The following RASGEF1A variants were observed in gnomAD, a reference collection of about 807,000 sequenced individuals.
RASGEF1A encodes RasGEF domain family member 1A.
Under a neutral mutation model 56.4 loss-of-function variants are expected in RASGEF1A, and 18 were observed. That is an observed-to-expected ratio of 0.32 (90% CI 0.22 to 0.47). RASGEF1A has a LOEUF of 0.47. Among genes scored for constraint, RASGEF1A ranks in the 20% least tolerant of loss-of-function variants. RASGEF1A has a pLI of 1.00. For missense variants in RASGEF1A, 422 were observed against 627.1 expected, an observed-to-expected ratio of 0.67 and a Z score of 3.49; for synonymous variants, 245 against 242.6, an observed-to-expected ratio of 1.01 and a Z score of -0.09.
intron 3 of RASGEF1A, 128 bp downstream of exon 3, chr10:43,203,170 C>T: frequency 1.1e-6 from 1 of 894,632 alleles, no homozygotes; most frequent in South Asian, 1.6e-5. Context: ...CCAGGCCAAG[C>T]CCCAACTCTA....
intron 1 of RASGEF1A, among the ~76,000 whole-genome samples, chr10:43,220,797 G>A (rs868016426): frequency 8.3e-4 from 110 of 132,878 alleles, no homozygotes; most frequent in Middle Eastern, 8.3e-3. Flanking sequence ...AAAAAAAAAA[G>A]GGGGGGGAGT....
At chr10:43,205,023 C>T (rs1344384243) in intron 2 of RASGEF1A, among the ~76,000 whole-genome samples, 1 of 152,210 alleles carries the variant, frequency 6.6e-6, no homozygotes, top group African/African-American at 2.4e-5. Flanking sequence ...AACAGAAAGG[C>T]AAGGCCCCCT....
intron 1 of RASGEF1A, among the ~76,000 whole-genome samples, chr10:43,259,237 T>G (rs1346325352): frequency 2.0e-5 from 3 of 152,080 alleles, no homozygotes; most frequent in African/African-American, 7.2e-5. Context: ...GGACCTGAGG[T>G]TGCATTCTGA....
intron 1 of RASGEF1A, among the ~76,000 whole-genome samples, chr10:43,238,236 T>C (rs1039920131): frequency 6.6e-6 from 1 of 151,734 alleles, no homozygotes; most frequent in East Asian, 1.9e-4. Context: ...AGTTTATGTG[T>C]GCCTACAGGA....
Position 43,196,068 on chromosome 10 carries a change from A to C in RASGEF1A, c.*176T>G. Reference sequence around the variant, plus strand: ...TGCCCTGTTATTTAAAATAAACAAAAAAAACTTTGTAAGTGCCAAAGGTTG... The same window carrying C: ...TGCCCTGTTATTTAAAATAAACAAACAAAACTTTGTAAGTGCCAAAGGTTG... On this transcript the variant is annotated 3_prime_UTR_variant, in exon 13 of 13. Coordinates refer to ENST00000395810, the MANE Select transcript of RASGEF1A (RefSeq NM_145313.4). The surrounding 1 kb of genome is among the most constrained non-coding windows in gnomAD (Gnocchi z 4.6). The C allele has an allele frequency of 1.7e-6, 1 of 577,908 alleles. No individual in the cohort carries two copies. The highest frequency in any genetic ancestry group is 2.9e-6 in the Non-Finnish European group (1 of 340,036). The allele number at this position is 577,908 out of a possible 1,614,324, so 35.8% of individuals were successfully genotyped here. A position where few individuals can be genotyped will look rare whatever the true frequency, so the allele number is the denominator to read the frequency against.
At chr10:43,211,369 C>T (rs1174650455) in intron 1 of RASGEF1A, among the ~76,000 whole-genome samples, 1 of 152,188 alleles carries the variant, frequency 6.6e-6, no homozygotes, top group Non-Finnish European at 1.5e-5. Context: ...CAGGGTCACA[C>T]CCCTGACCTG....
chr10:43,241,762 A>C (rs1840503860), intron 1 of RASGEF1A, among the ~76,000 whole-genome samples: 1 of 152,172 alleles, frequency 6.6e-6, no homozygotes, highest in South Asian at 2.1e-4. Context: ...AGAGATTATC[A>C]GAGTTAAAAA....
chr10:43,199,224 C>T lies in RASGEF1A; in HGVS notation c.850-30G>A, dbSNP rs775296055. 50 of 1,546,992 alleles carry T rather than the reference C, an allele frequency of 3.2e-5. 1 individual carries two copies. The highest frequency in any genetic ancestry group is 5.7e-5 in the South Asian group (5 of 86,962). On this transcript the variant is annotated intron_variant, in intron 7 of 12. Transcript: ENST00000395810. ...AAGGTGGCAGGTGACCTCAGCATGG[C>T]GCTGCCGGGGGACAGCAGGAGCTGG...
chr10:43,217,306 C>G (rs1292758636), intron 1 of RASGEF1A, among the ~76,000 whole-genome samples: 1 of 152,166 alleles, frequency 6.6e-6, no homozygotes, highest in Admixed American at 6.5e-5. Context: ...CCTTTGGCTC[C>G]CATTTCTCTA....
intron 1 of RASGEF1A, among the ~76,000 whole-genome samples, chr10:43,242,104 C>G (rs190649328): frequency 2.2e-4 from 33 of 152,180 alleles, no homozygotes; most frequent in African/African-American, 7.7e-4. Context: ...CGCCACTGCA[C>G]TCCAGCCTAG....
chr10:43,229,412 C>T (rs890371907), intron 1 of RASGEF1A, among the ~76,000 whole-genome samples: 23 of 152,232 alleles, frequency 1.5e-4, no homozygotes, highest in Non-Finnish European at 2.8e-4. Flanking sequence ...TCTCGGCGTC[C>T]GCGGGCCGCG....
chr10:43,238,176 G>A (rs541364718), intron 1 of RASGEF1A, among the ~76,000 whole-genome samples: 1 of 35,656 alleles, frequency 2.8e-5, no homozygotes, highest in African/African-American at 1.3e-4. Context: ...CCCCTCAGGA[G>A]GGTTAGCCAT....
chr10:43,249,393 A>G (rs777433709), intron 1 of RASGEF1A, among the ~76,000 whole-genome samples: 1 of 152,164 alleles, frequency 6.6e-6, no homozygotes, highest in Non-Finnish European at 1.5e-5. Context: ...ACCCCAGCTA[A>G]CCATGCTCTT....
At chr10:43,247,355 G>A (rs1273523129) in intron 1 of RASGEF1A, among the ~76,000 whole-genome samples, 1 of 152,106 alleles carries the variant, frequency 6.6e-6, no homozygotes, top group Non-Finnish European at 1.5e-5. Flanking sequence ...GATCGGTATA[G>A]TTCCTTAAAT....
At chr10:43,229,871 A>G in intron 1 of RASGEF1A, 1 of 584,996 alleles carries the variant, frequency 1.7e-6, no homozygotes, top group South Asian at 5.7e-5. Context: ...CCGGCCAGGA[A>G]CGCGGGGCGG....
At chr10:43,257,083 C>G (rs773366588) in intron 1 of RASGEF1A, among the ~76,000 whole-genome samples, 1 of 152,196 alleles carries the variant, frequency 6.6e-6, no homozygotes, top group Non-Finnish European at 1.5e-5. Flanking sequence ...CGACATCTCT[C>G]CCCAGGTCAA....
At chr10:43,208,585 C>T (rs1840027227) in intron 1 of RASGEF1A, 1 of 985,632 alleles carries the variant, frequency 1.0e-6, no homozygotes, top group African/African-American at 1.7e-5. Flanking sequence ...TCAGCAGAGC[C>T]TGAGGGGGAC....
intron 1 of RASGEF1A, among the ~76,000 whole-genome samples, chr10:43,262,081 C>T (rs537787787): frequency 4.6e-5 from 7 of 152,268 alleles, no homozygotes; most frequent in Admixed American, 2.0e-4. Context: ...CTGACATTCA[C>T]ATTTGGCGGG....
chr10:43,262,607 G>A (rs757284404), intron 1 of RASGEF1A, among the ~76,000 whole-genome samples: 4 of 152,258 alleles, frequency 2.6e-5, no homozygotes, highest in South Asian at 2.1e-4. Flanking sequence ...CCACTGTCTC[G>A]TGGCTGGGCT....
Sources: gnomAD v4.1 joint callset for allele counts (sites outside exome capture counted in the v4.1 genomes callset) on GRCh38, gnomAD v4.1.1 for gene constraint, Gnocchi (gnomAD v3.1) non-coding constraint, MANE v1.5 for transcripts, NCBI Gene and HGNC (gene_info 2026-07-23, HGNC 2026-07-21) for gene names.